PLPPR1: variants seen among roughly 807,000 people sequenced by gnomAD.
PLPPR1 encodes phospholipid phosphatase related 1, also known as phospholipid phosphatase-related protein type 1.
PLPPR1 carries 10 observed loss-of-function variants against 33.1 expected under a neutral mutation model. That is an observed-to-expected ratio of 0.30 (90% CI 0.19 to 0.51). PLPPR1 has a LOEUF of 0.51. PLPPR1 is among the 20% of genes least tolerant of loss of function. The probability of loss-of-function intolerance (pLI) is 0.97; values close to 1 mark genes in which losing one functional copy is unlikely to be tolerated. For missense variants in PLPPR1, 304 were observed against 408.1 expected (o/e 0.74, Z 2.20); for synonymous variants, 151 against 151.0 (o/e 1.00, Z 0.00).
intron 1 of PLPPR1, among the ~76,000 whole-genome samples, chr9:101,158,079 C>T (rs137875211): frequency 0.01 from 1,529 of 152,026 alleles, 18 homozygotes; most frequent in Non-Finnish European, 0.017. Flanking sequence ...TACAGTGTTA[C>T]AAACTACAGT....
intron 2 of PLPPR1, among the ~76,000 whole-genome samples, chr9:101,197,231 C>T (rs1361096005): frequency 6.6e-6 from 1 of 152,092 alleles, no homozygotes. Flanking sequence ...TGTAAAGTTG[C>T]CTCACCCTGC....
intron 1 of PLPPR1, among the ~76,000 whole-genome samples, chr9:101,147,111 G>A (rs1010496921): frequency 6.6e-6 from 1 of 152,066 alleles, no homozygotes; most frequent in Non-Finnish European, 1.5e-5. Flanking sequence ...CCTGTGCTTG[G>A]AATTACCTAT....
At chr9:101,082,489 A>T (rs1432387312) in intron 1 of PLPPR1, among the ~76,000 whole-genome samples, 1 of 152,066 alleles carries the variant, frequency 6.6e-6, no homozygotes, top group Non-Finnish European at 1.5e-5. Flanking sequence ...AGGTGATGAG[A>T]TGTTATTGCA....
intron 6 of PLPPR1, among the ~76,000 whole-genome samples, chr9:101,317,036 CAT>C (rs1278097825): frequency 6.6e-6 from 1 of 152,152 alleles, no homozygotes; most frequent in African/African-American, 2.4e-5. Flanking sequence ...GTGCCAGACA[CAT>C]AGTGGCCCTC....
At chr9:101,045,763 T>C (rs1830135872) in intron 1 of PLPPR1, among the ~76,000 whole-genome samples, 1 of 152,216 alleles carries the variant, frequency 6.6e-6, no homozygotes, top group Admixed American at 6.5e-5. Flanking sequence ...TCTGATTTAC[T>C]AGCTTTAACA....
chr9:101,245,615 T>C (rs1310640065), intron 2 of PLPPR1, among the ~76,000 whole-genome samples: 1 of 151,976 alleles, frequency 6.6e-6, no homozygotes, highest in Non-Finnish European at 1.5e-5. Flanking sequence ...ATATCAAGTA[T>C]TAAACGCTAA....
At chr9:101,316,540 G>T (rs1829052761) in intron 6 of PLPPR1, among the ~76,000 whole-genome samples, 1 of 148,734 alleles carries the variant, frequency 6.7e-6, no homozygotes. Context: ...AGAGTAGCAG[G>T]AAAGATTCGA....
intron 1 of PLPPR1, among the ~76,000 whole-genome samples, chr9:101,100,079 A>G (rs1193234066): frequency 6.6e-6 from 1 of 151,930 alleles, no homozygotes; most frequent in Non-Finnish European, 1.5e-5. Flanking sequence ...GGGGCTCATC[A>G]TTTCCTTTAC....
At chr9:101,154,051 G>C (rs1198745259) in intron 1 of PLPPR1, among the ~76,000 whole-genome samples, 2 of 152,082 alleles carry the variant, frequency 1.3e-5, no homozygotes, top group Non-Finnish European at 2.9e-5. Flanking sequence ...TGCATCCCTG[G>C]GATGAAGCCC....
At chr9:101,149,512 A>G (rs1831557632) in intron 1 of PLPPR1, among the ~76,000 whole-genome samples, 1 of 152,174 alleles carries the variant, frequency 6.6e-6, no homozygotes, top group African/African-American at 2.4e-5. Flanking sequence ...TAAGTTCCAT[A>G]CCTGGCTTAC....
At chr9:101,263,107 ACAAACCCGGACATTCTG>A (rs545582717) in intron 2 of PLPPR1, among the ~76,000 whole-genome samples, 170 of 152,294 alleles carry the variant, frequency 1.1e-3, no homozygotes, top group African/African-American at 3.9e-3. Context: ...TACCTATGTA[ACAAACCCGGACATTCTG>A]CACATGTATC....
At chr9:101,164,802 G>T (rs188920073) in intron 1 of PLPPR1, among the ~76,000 whole-genome samples, 2 of 152,098 alleles carry the variant, frequency 1.3e-5, no homozygotes, top group African/African-American at 4.8e-5. Context: ...GTGTTTGTTT[G>T]TTTGTTTAGT....
intron 2 of PLPPR1, among the ~76,000 whole-genome samples, chr9:101,239,250 G>A (rs971525371): frequency 1.4e-4 from 21 of 151,862 alleles, no homozygotes; most frequent in African/African-American, 5.1e-4. Context: ...TGGGATGGCT[G>A]GATTGCATGG....
At chr9:101,140,411 C>G (rs73656167) in intron 1 of PLPPR1, among the ~76,000 whole-genome samples, 1 of 114,666 alleles carries the variant, frequency 8.7e-6, no homozygotes, top group Non-Finnish European at 2.1e-5. Context: ...GATAAAATAG[C>G]CTTGAAATCG....
chr9:101,119,952 C>T (rs2118591857), intron 1 of PLPPR1, among the ~76,000 whole-genome samples: 1 of 152,306 alleles, frequency 6.6e-6, no homozygotes, highest in South Asian at 2.1e-4. Flanking sequence ...AGTGGCTACT[C>T]AACAGCCTCA....
chr9:101,125,560 C>G (rs1227671092), intron 1 of PLPPR1: 1 of 494,222 alleles, frequency 2.0e-6, no homozygotes, highest in Non-Finnish European at 3.8e-6. Context: ...GTGCTGTCTC[C>G]TGCCTAAAGC....
chr9:101,126,581 G>C (rs1371178986), intron 1 of PLPPR1, among the ~76,000 whole-genome samples: 1 of 152,154 alleles, frequency 6.6e-6, no homozygotes, highest in African/African-American at 2.4e-5. Context: ...ATTCCACTGG[G>C]TCTTAGCACT....
intron 3 of PLPPR1, among the ~76,000 whole-genome samples, chr9:101,275,078 T>G (rs1828164677): frequency 6.6e-6 from 1 of 152,244 alleles, no homozygotes; most frequent in Non-Finnish European, 1.5e-5. Context: ...ACTGCACAGT[T>G]GTTTATTCCT....
At chr9:101,092,352 A>G (rs1352012653) in intron 1 of PLPPR1, among the ~76,000 whole-genome samples, 2 of 152,104 alleles carry the variant, frequency 1.3e-5, no homozygotes, top group Non-Finnish European at 2.9e-5. Context: ...TCTTGACTCT[A>G]AGTTTCATCA....
Sources: allele counts gnomAD v4.1 joint callset (sites outside exome capture counted in the v4.1 genomes callset), GRCh38; gene constraint gnomAD v4.1.1; transcripts MANE v1.5; gene names NCBI Gene and HGNC (gene_info 2026-07-23, HGNC 2026-07-21).